The following CACNA2D3 variants were observed in gnomAD, a reference collection of about 807,000 sequenced individuals.
CACNA2D3 encodes calcium voltage-gated channel auxiliary subunit alpha2delta 3.
CACNA2D3 carries 60 observed loss-of-function variants against 160.6 expected under a neutral mutation model. That is an observed-to-expected ratio of 0.37 (90% CI 0.30 to 0.46). CACNA2D3 has a LOEUF of 0.46. CACNA2D3 is among the 20% of genes least tolerant of loss of function. The probability of loss-of-function intolerance (pLI) is 1.00; values close to 1 mark genes in which losing one functional copy is unlikely to be tolerated. For missense variants in CACNA2D3, 1,205 were observed against 1,365.0 expected (o/e 0.88, Z 1.85); for synonymous variants, 558 against 492.9 (o/e 1.13, Z -1.75).
At position 54,503,538 on chromosome 3, in the gene CACNA2D3, G is replaced by A. The variant is rs1321368779; in HGVS notation, c.428G>A (p.Gly143Glu). The change falls in exon 5 of 38, where the codon GGG becomes GAG. Residue 143 changes from glycine to glutamate, a missense_variant. Physicochemically the swap from Gly to Glu is moderately conservative, Grantham distance 98. Transcript: ENST00000474759. ...AVLINERDKD[G>E]NFLELGKEFI... The stretch of plus-strand genomic sequence containing the variant: ...CTGATAAATGAAAGGGACAAAGACG[G>A]GAATTTTTTGGAGCTGGGAAAGGAA... The A allele has an allele frequency of 6.2e-7, 1 of 1,613,894 alleles. No homozygotes were observed. The highest frequency in any genetic ancestry group is 1.7e-5 in the Admixed American group (1 of 60,020).
intron 2 of CACNA2D3, among the ~76,000 whole-genome samples, chr3:54,182,447 C>T (rs1163464778): frequency 6.6e-6 from 1 of 152,138 alleles, no homozygotes. Flanking sequence ...GGAGTCCGCT[C>T]GTCACTGGCA....
chr3:54,564,487 T>C (rs180753990), intron 6 of CACNA2D3, among the ~76,000 whole-genome samples: 29 of 152,338 alleles, frequency 1.9e-4, no homozygotes, highest in African/African-American at 6.5e-4. Context: ...AAATGTCATG[T>C]GGCCACTCAA....
At chr3:54,684,915 C>T (rs1376897493) in intron 11 of CACNA2D3, among the ~76,000 whole-genome samples, 1 of 152,084 alleles carries the variant, frequency 6.6e-6, no homozygotes, top group Non-Finnish European at 1.5e-5. Flanking sequence ...ATCTCGTTTA[C>T]ATAATGCATG....
intron 4 of CACNA2D3, among the ~76,000 whole-genome samples, chr3:54,476,611 A>G (rs1239320135): frequency 6.6e-6 from 1 of 152,108 alleles, no homozygotes; most frequent in Non-Finnish European, 1.5e-5. Context: ...AACGGGTATG[A>G]GATGTTACTT....
At chr3:54,804,627 T>C (rs1049225177) in intron 13 of CACNA2D3, among the ~76,000 whole-genome samples, 8 of 152,124 alleles carry the variant, frequency 5.3e-5, no homozygotes, top group South Asian at 2.1e-4. Context: ...CCACTGTTAA[T>C]ATTAGACAGA....
At chr3:54,689,039 G>A (rs1247090466) in intron 11 of CACNA2D3, among the ~76,000 whole-genome samples, 2 of 131,440 alleles carry the variant, frequency 1.5e-5, no homozygotes, top group African/African-American at 5.7e-5. Context: ...TAAAGCACAT[G>A]ACGTGGTTCC....
chr3:54,337,813 G>A (rs949564730), intron 3 of CACNA2D3, among the ~76,000 whole-genome samples: 1 of 152,162 alleles, frequency 6.6e-6, no homozygotes, highest in Non-Finnish European at 1.5e-5. Context: ...CCATGTATAT[G>A]TCTTCAAAGT....
intron 4 of CACNA2D3, among the ~76,000 whole-genome samples, chr3:54,414,642 T>A (rs1437392280): frequency 1.3e-5 from 2 of 152,104 alleles, no homozygotes; most frequent in Non-Finnish European, 2.9e-5. Flanking sequence ...CCTATATCTT[T>A]TCCCCATTGC....
intron 13 of CACNA2D3, among the ~76,000 whole-genome samples, chr3:54,805,083 C>T (rs1215068037): frequency 2.0e-5 from 3 of 152,248 alleles, no homozygotes; most frequent in South Asian, 2.1e-4. Flanking sequence ...GCACTAAATG[C>T]CCACAAGAGA....
chr3:54,979,191 G>A (rs1482766913), intron 29 of CACNA2D3, among the ~76,000 whole-genome samples: 1 of 152,102 alleles, frequency 6.6e-6, no homozygotes, highest in Non-Finnish European at 1.5e-5. Context: ...CTTTCAGAAG[G>A]TGACATTCTT....
intron 11 of CACNA2D3, among the ~76,000 whole-genome samples, chr3:54,676,314 T>C (rs1559546279): frequency 6.6e-6 from 1 of 152,074 alleles, no homozygotes; most frequent in East Asian, 1.9e-4. Context: ...CAGAGATGAT[T>C]GAAAGAATGG....
intron 2 of CACNA2D3, among the ~76,000 whole-genome samples, chr3:54,203,225 A>G (rs1701209055): frequency 6.6e-6 from 1 of 152,170 alleles, no homozygotes; most frequent in Non-Finnish European, 1.5e-5. Context: ...AACAGAACAA[A>G]ATGAAACGGG....
At chr3:54,506,926 T>C (rs1201995352) in intron 5 of CACNA2D3, among the ~76,000 whole-genome samples, 24 of 152,322 alleles carry the variant, frequency 1.6e-4, no homozygotes, top group Admixed American at 1.3e-3. Flanking sequence ...TGAACTCTTT[T>C]AAGGACTTTC....
rs368251221 is a variant in CACNA2D3, at chr3:54,215,222, G to A, written c.204+91628G>A. 5.9e-5 allele frequency among the ~76,000 whole-genome samples: 9 copies of A among 152,126 alleles called. 1 individual carries two copies. Among genetic ancestry groups the A allele is most frequent in the Admixed American group, 4.6e-4 (7 of 15,278 alleles). On this transcript the variant is annotated intron_variant, in intron 2 of 37. Transcript: ENST00000474759. Reference sequence around the variant, plus strand: ...TTATTAAGGTATAATTTACAAAATTGTATATATTTATGGTACACAATGTGA... The same window carrying A: ...TTATTAAGGTATAATTTACAAAATTATATATATTTATGGTACACAATGTGA...
chr3:54,957,138 C>G (rs1487899918), intron 27 of CACNA2D3, among the ~76,000 whole-genome samples: 1 of 150,726 alleles, frequency 6.6e-6, no homozygotes, highest in Non-Finnish European at 1.5e-5. Flanking sequence ...TGATATAATT[C>G]CTATGAATCA....
At chr3:54,541,076 G>C (rs1285820409) in intron 5 of CACNA2D3, among the ~76,000 whole-genome samples, 1 of 151,992 alleles carries the variant, frequency 6.6e-6, no homozygotes, top group African/African-American at 2.4e-5. Flanking sequence ...AGGATATTGA[G>C]ACCATCCTGG....
At chr3:54,975,640 G>A (rs2107084228) in intron 29 of CACNA2D3, among the ~76,000 whole-genome samples, 1 of 150,964 alleles carries the variant, frequency 6.6e-6, no homozygotes, top group African/African-American at 2.4e-5. Flanking sequence ...TCCCATCATT[G>A]TTTGCTAGGA....
intron 11 of CACNA2D3, among the ~76,000 whole-genome samples, chr3:54,732,258 C>G (rs932369396): frequency 6.6e-6 from 1 of 152,224 alleles, no homozygotes; most frequent in Non-Finnish European, 1.5e-5. Flanking sequence ...ACAAAGAGAA[C>G]ATGTTTTTGT....
At chr3:54,837,051 C>G in intron 14 of CACNA2D3, 108 bp from the exon 15 acceptor site, 1 of 904,856 alleles carries the variant, frequency 1.1e-6, no homozygotes, top group Non-Finnish European at 1.8e-6. Flanking sequence ...GGCACTGTTC[C>G]ATCTCAACAG....
Sources: allele counts gnomAD v4.1 joint callset (sites outside exome capture counted in the v4.1 genomes callset), GRCh38; gene constraint gnomAD v4.1.1; transcripts MANE v1.5; gene names NCBI Gene and HGNC (gene_info 2026-07-23, HGNC 2026-07-21).